CENPW: variants seen among roughly 807,000 people sequenced by gnomAD.
The protein encoded by CENPW is centromere protein W, also known as cancer-up-regulated gene 2 protein.
CENPW carries 3 observed loss-of-function variants against 11.1 expected under a neutral mutation model. The observed-to-expected ratio is 0.27, with a 90% CI of 0.12 to 0.70. CENPW has a LOEUF of 0.70. Among genes scored for constraint, CENPW ranks in the 30% least tolerant of loss-of-function variants. The pLI, the probability that CENPW is intolerant of heterozygous loss-of-function variation, is 0.77. For synonymous variants in CENPW, 38 were observed against 42.0 expected, an observed-to-expected ratio of 0.91 and a Z score of 0.37; for missense variants, 100 against 105.6, an observed-to-expected ratio of 0.95 and a Z score of 0.23.
In CENPW at chr6:126,340,177, C is replaced by T. The variant is rs769333541; in HGVS notation, c.-97C>T. 5.3e-5 allele frequency: 60 copies of T among 1,141,182 alleles called. No individual in the cohort carries two copies. The highest frequency in any genetic ancestry group is 6.5e-5 in the Non-Finnish European group (51 of 779,486). The allele number at this position is 1,141,182 out of a possible 1,614,324, so 70.7% of individuals were successfully genotyped here. A position where few individuals can be genotyped will look rare whatever the true frequency, so the allele number is the denominator to read the frequency against. ...TTTTTCTGCCTGAAGAAGCGTCATA[C>T]GGACCGGATTGTTTTCGCTGGCCCA... On this transcript the variant is annotated 5_prime_UTR_variant, in exon 1 of 3. In the 5' UTR this introduces an upstream ATG that the reference lacks. Coordinates refer to ENST00000368328, the MANE Select transcript of CENPW (RefSeq NM_001012507.4).
the CENPW span, among the ~76,000 whole-genome samples, chr6:126,425,966 A>G: frequency 6.6e-6 from 1 of 152,066 alleles, no homozygotes; most frequent in African/African-American, 2.4e-5. Context: ...TGTATTACAA[A>G]AAAATGAGAC....
the CENPW span, among the ~76,000 whole-genome samples, chr6:126,434,691 A>T: frequency 6.6e-6 from 1 of 152,072 alleles, no homozygotes; most frequent in African/African-American, 2.4e-5. Context: ...AGAGCTTCAC[A>T]TCTTCTAGTA....
the CENPW span, among the ~76,000 whole-genome samples, chr6:126,377,853 A>G: frequency 1.3e-5 from 2 of 152,084 alleles, no homozygotes; most frequent in Non-Finnish European, 2.9e-5. Flanking sequence ...GAACCTTCAC[A>G]GTAACTTGCT....
the CENPW span, among the ~76,000 whole-genome samples, chr6:126,415,496 T>G: frequency 4.6e-5 from 7 of 152,138 alleles, no homozygotes; most frequent in Non-Finnish European, 7.3e-5. Flanking sequence ...TTATAGAAGT[T>G]AAATCACAGG....
At chr6:126,395,927 G>A in the CENPW span, among the ~76,000 whole-genome samples, 1 of 152,088 alleles carries the variant, frequency 6.6e-6, no homozygotes, top group African/African-American at 2.4e-5. Flanking sequence ...TAGAGCTGGG[G>A]GTGAGGTAAC....
the CENPW span, among the ~76,000 whole-genome samples, chr6:126,482,777 A>G: frequency 7.8e-3 from 1,189 of 152,102 alleles, 14 homozygotes; most frequent in African/African-American, 0.027. Context: ...GATATTTGGT[A>G]GTATAAGTTT....
At chr6:126,341,688 G>A (rs1295453337) in intron 1 of CENPW, among the ~76,000 whole-genome samples, 3 of 152,204 alleles carry the variant, frequency 2.0e-5, no homozygotes, top group Non-Finnish European at 2.9e-5. Context: ...GAATTCAAAT[G>A]AAATTCACTT....
At chr6:126,396,266 A>G in the CENPW span, among the ~76,000 whole-genome samples, 1 of 150,574 alleles carries the variant, frequency 6.6e-6, no homozygotes, top group Non-Finnish European at 1.5e-5. Context: ...AATCCTTCCC[A>G]CTCTTCCCAT....
the CENPW span, among the ~76,000 whole-genome samples, chr6:126,422,420 C>T: frequency 2.0e-5 from 3 of 152,012 alleles, no homozygotes; most frequent in African/African-American, 7.2e-5. Flanking sequence ...TCTCCTGGGG[C>T]CTTTCTCCTT....
the CENPW span, among the ~76,000 whole-genome samples, chr6:126,437,834 C>G: frequency 1.3e-5 from 2 of 151,604 alleles, no homozygotes; most frequent in Middle Eastern, 6.8e-3. Flanking sequence ...TTCTGCGGGA[C>G]CCAAAACAAA....
the CENPW span, among the ~76,000 whole-genome samples, chr6:126,462,964 T>C: frequency 1.3e-5 from 2 of 152,034 alleles, no homozygotes; most frequent in Non-Finnish European, 2.9e-5. Context: ...AAACATATCA[T>C]TTTGGAGTAG....
the CENPW span, among the ~76,000 whole-genome samples, chr6:126,447,631 T>C: frequency 6.6e-6 from 1 of 151,180 alleles, no homozygotes; most frequent in African/African-American, 2.4e-5. Flanking sequence ...CACTACAATA[T>C]CAAATTGGGC....
At chr6:126,454,820 C>A in the CENPW span, among the ~76,000 whole-genome samples, 2,005 of 150,828 alleles carry the variant, frequency 0.013, 43 homozygotes, top group African/African-American at 0.046. Flanking sequence ...GATTGATAGA[C>A]CACTAGCTAG....
the CENPW span, among the ~76,000 whole-genome samples, chr6:126,453,831 C>T: frequency 6.6e-6 from 1 of 150,866 alleles, no homozygotes; most frequent in African/African-American, 2.4e-5. Flanking sequence ...GCAATGACAC[C>T]CATAGGTGCA....
chr6:126,360,840 G>T, the CENPW span, among the ~76,000 whole-genome samples: 457 of 152,184 alleles, frequency 3.0e-3, 1 homozygote, highest in Non-Finnish European at 4.7e-3. Context: ...TGGATTCCTT[G>T]GATTGGGTCT....
At chr6:126,452,388 G>A in the CENPW span, among the ~76,000 whole-genome samples, 1 of 151,076 alleles carries the variant, frequency 6.6e-6, no homozygotes. Flanking sequence ...CTTCTGCAAT[G>A]AATGTAAAAA....
chr6:126,454,666 G>C, the CENPW span, among the ~76,000 whole-genome samples: 1 of 151,132 alleles, frequency 6.6e-6, no homozygotes, highest in Non-Finnish European at 1.5e-5. Context: ...ACAGGAATGA[G>C]AGAAACAAGA....
At chr6:126,402,689 T>C in the CENPW span, among the ~76,000 whole-genome samples, 1 of 152,072 alleles carries the variant, frequency 6.6e-6, no homozygotes, top group South Asian at 2.1e-4. Flanking sequence ...ATATCAACAC[T>C]TCATTCTTTT....
chr6:126,377,279 A>C, the CENPW span, among the ~76,000 whole-genome samples: 4 of 152,186 alleles, frequency 2.6e-5, no homozygotes, highest in Non-Finnish European at 5.9e-5. Flanking sequence ...TACCCTAATT[A>C]ACTTTTCACT....
Sources: allele counts gnomAD v4.1 joint callset (sites outside exome capture counted in the v4.1 genomes callset), GRCh38; gene constraint gnomAD v4.1.1; transcripts MANE v1.5; gene names NCBI Gene and HGNC (gene_info 2026-07-23, HGNC 2026-07-21).